Variants in C16orf96 observed in about 807,000 individuals in gnomAD.
C16orf96 encodes the protein uncharacterized protein C16orf96.
In C16orf96, 108 loss-of-function variants were observed where a neutral mutation model predicts 103.6. The observed-to-expected ratio is 1.04, with a 90% CI of 0.89 to 1.22. The LOEUF (loss-of-function observed/expected upper bound fraction) is 1.22. C16orf96 is among the 50% of genes most tolerant of loss of function. The probability of loss-of-function intolerance (pLI) is 0.00; values close to 1 mark genes in which losing one functional copy is unlikely to be tolerated. For missense variants in C16orf96, 1,586 were observed against 1,464.2 expected, an observed-to-expected ratio of 1.08 and a Z score of -1.36; for synonymous variants, 566 against 593.5, an observed-to-expected ratio of 0.95 and a Z score of 0.67.
chr16:4,588,946 A>G (rs762628820), intron 9 of C16orf96, among the ~76,000 whole-genome samples: 3 of 152,104 alleles, frequency 2.0e-5, no homozygotes, highest in Admixed American at 1.3e-4. Context: ...TGCAAGAACC[A>G]TGTAGCACTG....
rs1221088336 is a variant in C16orf96 at position 4,593,222 on chromosome 16, A to C, written c.2775-2A>C. 1.6e-5 allele frequency: 25 copies of C among 1,550,846 alleles called. No individual in the cohort carries two copies. Among genetic ancestry groups the C allele is most frequent in the Middle Eastern group, 1.7e-4 (1 of 6,010 alleles). On this transcript the variant is annotated splice_acceptor_variant, in intron 11 of 15. Coordinates refer to ENST00000444310, the MANE Select transcript of C16orf96 (RefSeq NM_001145011.2). LOFTEE classifies it high-confidence loss of function. The surrounding 1 kb of genome is among the most constrained non-coding windows in gnomAD (Gnocchi z 4.2). ...CCCTGCTGTGCCCTTGTCCTCCAACAGACAGCTGATCACCATCCGCAAAGC... is the reference window on the plus strand; with the variant it reads ...CCCTGCTGTGCCCTTGTCCTCCAACCGACAGCTGATCACCATCCGCAAAGC...
intron 2 of C16orf96, among the ~76,000 whole-genome samples, chr16:4,573,859 A>C (rs1253148479): frequency 6.6e-6 from 1 of 151,626 alleles, no homozygotes; most frequent in African/African-American, 2.4e-5. Flanking sequence ...TTTGAGACGG[A>C]GTCTCTCTCT....
chr16:4,571,589 C>T lies in C16orf96; in HGVS notation c.449C>T (p.Thr150Ile). ...KSMQTLQDLL[T>I]DLHALQVTIT... Reference sequence around the variant, plus strand: ...ATGCAGACCCTGCAGGACTTGCTCACTGATCTTCATGCACTCCAGGTCACC... The same window carrying T: ...ATGCAGACCCTGCAGGACTTGCTCATTGATCTTCATGCACTCCAGGTCACC... Residue 150 changes from threonine to isoleucine, a missense_variant, in exon 2 of 16, where the codon ACT (threonine) becomes ATT (isoleucine). Coordinates refer to ENST00000444310, the MANE Select transcript of C16orf96 (RefSeq NM_001145011.2). The T allele has an allele frequency of 6.4e-7, 1 of 1,552,306 alleles. No homozygotes were observed. Among genetic ancestry groups the T allele is most frequent in the Non-Finnish European group, 8.7e-7 (1 of 1,147,086 alleles).
intron 1 of C16orf96, chr16:4,560,545 CAAA>C (rs113495093): frequency 3.3e-5 from 5 of 150,954 alleles, no homozygotes; most frequent in African/African-American, 1.2e-4. Flanking sequence ...TATTTTACCA[CAAA>C]AAAAAGCAGA....
chr16:4,581,165 TA>T (rs2059582999), intron 7 of C16orf96, among the ~76,000 whole-genome samples: 1 of 120,304 alleles, frequency 8.3e-6, no homozygotes, highest in African/African-American at 3.1e-5. Flanking sequence ...TATATATATA[TA>T]TATATATATA....
the C16orf96 span, among the ~76,000 whole-genome samples, chr16:4,544,975 AACAC>A: frequency 6.6e-6 from 1 of 152,284 alleles, no homozygotes; most frequent in East Asian, 1.9e-4. Context: ...CCCAAGATAA[AACAC>A]ACAGCCGCAT....
intron 7 of C16orf96, among the ~76,000 whole-genome samples, chr16:4,582,030 C>G (rs1170875306): frequency 6.6e-6 from 1 of 152,030 alleles, no homozygotes; most frequent in Non-Finnish European, 1.5e-5. Flanking sequence ...ACCTGTAATC[C>G]CAGCACTTTG....
At position 4,580,027 on chromosome 16, in the gene C16orf96, G is replaced by A. The variant is rs190341674; in HGVS notation, c.2254G>A (p.Glu752Lys). 2 of 1,551,254 alleles carry A rather than the reference G, an allele frequency of 1.3e-6. No individual in the cohort carries two copies. The highest frequency in any genetic ancestry group is 1.4e-5 in the African/African-American group (1 of 73,126). ...QKSRLKEEEL[E>K]RIWGNQIEMM... ...CTCCCCCTTTTAGGAGGAAGAACTTGAGAGAATTTGGGGCAACCAAATAGA... is the reference window on the plus strand; with the variant it reads ...CTCCCCCTTTTAGGAGGAAGAACTTAAGAGAATTTGGGGCAACCAAATAGA... Residue 752 changes from glutamate to lysine, a missense_variant, in exon 7 of 16, where the codon GAG becomes AAG. Glu to Lys is a moderately conservative substitution (Grantham distance 56). Coordinates refer to ENST00000444310, the MANE Select transcript of C16orf96 (RefSeq NM_001145011.2).
At chr16:4,581,404 C>T (rs1319708988) in intron 7 of C16orf96, among the ~76,000 whole-genome samples, 3 of 151,256 alleles carry the variant, frequency 2.0e-5, no homozygotes, top group African/African-American at 4.8e-5. Flanking sequence ...GAGGCTGAGG[C>T]GAGTGGATCA....
At chr16:4,582,623 G>A (rs1025261681) in intron 7 of C16orf96, among the ~76,000 whole-genome samples, 4 of 152,094 alleles carry the variant, frequency 2.6e-5, no homozygotes, top group East Asian at 1.9e-4. Context: ...TGCTCAGACT[G>A]TGCACCACTG....
chr16:4,590,993 C>T (rs1897046708), intron 9 of C16orf96, among the ~76,000 whole-genome samples: 1 of 151,916 alleles, frequency 6.6e-6, no homozygotes, highest in Admixed American at 6.6e-5. Context: ...GATCACACCA[C>T]TGTACTCCAG....
At chr16:4,560,209 T>C (rs115013175) in intron 1 of C16orf96, 236 of 151,884 alleles carry the variant, frequency 1.6e-3, no homozygotes, top group African/African-American at 5.3e-3. Context: ...TTTATATATA[T>C]GTTTGTTTTT....
At chr16:4,585,740 G>T (rs972742824) in intron 7 of C16orf96, among the ~76,000 whole-genome samples, 3 of 152,206 alleles carry the variant, frequency 2.0e-5, no homozygotes, top group Admixed American at 6.5e-5. Flanking sequence ...GCTCAGAGGG[G>T]CCTCCTCGCC....
chr16:4,577,221 T>G (rs1398887062), intron 5 of C16orf96, among the ~76,000 whole-genome samples: 3 of 151,820 alleles, frequency 2.0e-5, no homozygotes, highest in Non-Finnish European at 4.4e-5. Flanking sequence ...AAAACTCCTT[T>G]GTGATAGCCC....
upstream of C16orf96, among the ~76,000 whole-genome samples, chr16:4,552,481 C>CAA (rs58618088): frequency 3.2e-4 from 22 of 67,774 alleles, no homozygotes; most frequent in African/African-American, 8.2e-4. Context: ...GACTCTGTCT[C>CAA]AAAAAAAAAA....
intron 1 of C16orf96, among the ~76,000 whole-genome samples, chr16:4,567,378 G>A (rs1277125071): frequency 6.7e-6 from 1 of 149,678 alleles, no homozygotes; most frequent in Admixed American, 6.7e-5. Context: ...CAGACTCCTG[G>A]GTTCACGCCA....
chr16:4,583,241 G>C (rs1440406048), intron 7 of C16orf96, among the ~76,000 whole-genome samples: 1 of 150,466 alleles, frequency 6.6e-6, no homozygotes, highest in Non-Finnish European at 1.5e-5. Context: ...TCCATCTTGG[G>C]AAAAATCTCA....
At chr16:4,572,901 G>T (rs1391404157) in intron 2 of C16orf96, among the ~76,000 whole-genome samples, 1 of 152,130 alleles carries the variant, frequency 6.6e-6, no homozygotes, top group Non-Finnish European at 1.5e-5. Context: ...CGTCACAACT[G>T]ATGAGTCACA....
At position 4,556,717 on chromosome 16, in the gene C16orf96, G is replaced by A. The variant is rs1440969949; in HGVS notation, c.228G>A (p.Arg76=). The change falls in exon 1 of 16, where the codon AGG becomes AGA. Residue 76 remains arginine, a synonymous_variant. Transcript: ENST00000444310. ...AGCCTATCCTCAACCCCATGAAGAG[G>A]CTCAGCAATGTCTTCGACCACGTGG... ...DAQPILNPMK[R]LSNVFDHVVS... is the part of the protein sequence containing the mutation. 2 of 1,551,656 alleles carry A rather than the reference G, an allele frequency of 1.3e-6. No individual in the cohort carries two copies. Among genetic ancestry groups the A allele is most frequent in the Non-Finnish European group, 1.7e-6 (2 of 1,147,000 alleles).
Sources: gnomAD v4.1 joint callset for allele counts (sites outside exome capture counted in the v4.1 genomes callset) on GRCh38, gnomAD v4.1.1 for gene constraint, Gnocchi (gnomAD v3.1) non-coding constraint, MANE v1.5 for transcripts, NCBI Gene and HGNC (gene_info 2026-07-23, HGNC 2026-07-21) for gene names.